The following PLXDC2 variants were observed in gnomAD, a reference collection of about 807,000 sequenced individuals.
PLXDC2 encodes plexin domain-containing protein 2.
In PLXDC2, 40 loss-of-function variants were observed where a neutral mutation model predicts 68.9. The observed-to-expected ratio is 0.58, with a 90% confidence interval of 0.45 to 0.76. The LOEUF is 0.76. Ranked by LOEUF, PLXDC2 falls within the 30% of genes least tolerant of loss-of-function variation. The pLI is 0.00. For missense variants in PLXDC2, 644 were observed against 661.9 expected, an observed-to-expected ratio of 0.97 and a Z score of 0.30; for synonymous variants, 243 against 234.2, an observed-to-expected ratio of 1.04 and a Z score of -0.34.
intron 1 of PLXDC2, among the ~76,000 whole-genome samples, chr10:19,960,866 G>T (rs1474811390): frequency 6.6e-6 from 1 of 152,194 alleles, no homozygotes; most frequent in Non-Finnish European, 1.5e-5. Flanking sequence ...CAAATCATCA[G>T]TGTACATAGC....
intron 1 of PLXDC2, among the ~76,000 whole-genome samples, chr10:19,944,356 A>G (rs1178105810): frequency 1.3e-5 from 2 of 151,888 alleles, no homozygotes; most frequent in South Asian, 2.1e-4. Flanking sequence ...GCCAGATATT[A>G]TATATTTGGA....
chr10:19,841,456 CA>C (rs1406688898), intron 1 of PLXDC2, among the ~76,000 whole-genome samples: 3 of 149,114 alleles, frequency 2.0e-5, no homozygotes, highest in African/African-American at 7.5e-5. Context: ...TTAGAAGATA[CA>C]AAACAGTATA....
chr10:20,020,851 A>G (rs1399161148), intron 2 of PLXDC2, among the ~76,000 whole-genome samples: 2 of 152,186 alleles, frequency 1.3e-5, no homozygotes, highest in Non-Finnish European at 2.9e-5. Context: ...GAGGTATTGC[A>G]TAAGATAAAT....
At chr10:20,175,717 A>G (rs1270737826) in intron 7 of PLXDC2, among the ~76,000 whole-genome samples, 1 of 152,144 alleles carries the variant, frequency 6.6e-6, no homozygotes, top group African/African-American at 2.4e-5. Flanking sequence ...CTGTAGTCCT[A>G]GCTACTTGGG....
intron 1 of PLXDC2, among the ~76,000 whole-genome samples, chr10:19,911,238 A>T (rs2131374198): frequency 6.6e-6 from 1 of 152,070 alleles, no homozygotes; most frequent in South Asian, 2.1e-4. Context: ...GAAAGGAATC[A>T]TTGAGCGTGT....
chr10:20,119,932 G>A (rs971470957), intron 4 of PLXDC2, among the ~76,000 whole-genome samples: 135 of 152,202 alleles, frequency 8.9e-4, no homozygotes, highest in African/African-American at 3.1e-3. Context: ...TAAGAATTGG[G>A]ACGACTCAGG....
intron 1 of PLXDC2, among the ~76,000 whole-genome samples, chr10:19,887,680 T>C (rs1837874575): frequency 6.6e-6 from 1 of 152,222 alleles, no homozygotes; most frequent in East Asian, 1.9e-4. Context: ...AATCTAAATG[T>C]ATTTCCTGTT....
chr10:20,241,607 G>A (rs1025291234), intron 12 of PLXDC2, among the ~76,000 whole-genome samples: 2 of 151,796 alleles, frequency 1.3e-5, no homozygotes, highest in Non-Finnish European at 2.9e-5. Flanking sequence ...GCAATATAGT[G>A]AGAATCTGCC....
chr10:20,218,980 T>A, intron 11 of PLXDC2, 84 bp from the exon 12 acceptor site: 1 of 1,442,366 alleles, frequency 6.9e-7, no homozygotes, highest in Admixed American at 2.0e-5. Context: ...CCAAGGCAGT[T>A]AGTAGACAAT....
intron 4 of PLXDC2, among the ~76,000 whole-genome samples, chr10:20,126,206 CACAT>C (rs1226153434): frequency 5.5e-5 from 8 of 144,476 alleles, no homozygotes; most frequent in East Asian, 2.0e-4. Flanking sequence ...TGTATACACA[CACAT>C]ATATGTTATA....
In PLXDC2 at chr10:19,915,058, A is replaced by T. The variant is rs1469149688; in HGVS notation, c.113-86717A>T. On this transcript the variant is annotated intron_variant, in intron 1 of 13. Transcript: ENST00000377252. ...ACTGTATTGATGAGTCATTTTTTTT[A>T]AATTTACTCTACCAATCTCTGTCCT... Among the ~76,000 whole-genome samples, 2 of 152,046 alleles carry T rather than the reference A, an allele frequency of 1.3e-5. 1 individual carries two copies. Among genetic ancestry groups the T allele is most frequent in the South Asian group, 4.2e-4 (2 of 4,816 alleles).
intron 1 of PLXDC2, among the ~76,000 whole-genome samples, chr10:19,950,232 C>A (rs948384890): frequency 6.6e-6 from 1 of 152,088 alleles, no homozygotes; most frequent in African/African-American, 2.4e-5. Context: ...TATTTTTCTT[C>A]ACTGACAATA....
chr10:20,114,271 G>C (rs920726996), intron 4 of PLXDC2, among the ~76,000 whole-genome samples: 2 of 152,186 alleles, frequency 1.3e-5, no homozygotes, highest in Admixed American at 1.3e-4. Context: ...ACCTCAGCCT[G>C]TTGCTCTCTG....
chr10:20,206,858 A>C (rs1409516082), intron 9 of PLXDC2, among the ~76,000 whole-genome samples: 2 of 147,632 alleles, frequency 1.4e-5, no homozygotes, highest in Non-Finnish European at 2.9e-5. Context: ...AAACACACAC[A>C]CACACACACA....
At chr10:20,176,915 A>G (rs1224687133) in intron 7 of PLXDC2, 84 bp from the exon 8 acceptor site, 16 of 981,920 alleles carry the variant, frequency 1.6e-5, no homozygotes, top group Admixed American at 6.2e-5. Flanking sequence ...CTATATGTAT[A>G]TAATTCTATA....
At chr10:19,895,324 T>G (rs1440300344) in intron 1 of PLXDC2, among the ~76,000 whole-genome samples, 1 of 152,142 alleles carries the variant, frequency 6.6e-6, no homozygotes, top group African/African-American at 2.4e-5. Flanking sequence ...TCAAAATGTT[T>G]CCACATTCTC....
At chr10:20,037,727 A>T (rs1225027674) in intron 2 of PLXDC2, among the ~76,000 whole-genome samples, 1 of 152,250 alleles carries the variant, frequency 6.6e-6, no homozygotes, top group Non-Finnish European at 1.5e-5. Flanking sequence ...AATTTGAAAG[A>T]TCACAAGGGT....
At chr10:20,176,774 A>T (rs748010367) in intron 7 of PLXDC2, among the ~76,000 whole-genome samples, 1 of 152,126 alleles carries the variant, frequency 6.6e-6, no homozygotes, top group East Asian at 1.9e-4. Context: ...GGTAAGTGAG[A>T]TATCTGAGAC....
intron 2 of PLXDC2, among the ~76,000 whole-genome samples, chr10:20,004,185 A>G (rs568960527): frequency 1.3e-5 from 2 of 152,326 alleles, no homozygotes; most frequent in South Asian, 4.1e-4. Context: ...AAAAGATCTG[A>G]AGTATAGGCT....
Sources: allele counts gnomAD v4.1 joint callset (sites outside exome capture counted in the v4.1 genomes callset), GRCh38; gene constraint gnomAD v4.1.1; transcripts MANE v1.5; gene names NCBI Gene and HGNC (gene_info 2026-07-23, HGNC 2026-07-21).